Variants in FAF1 observed in about 807,000 individuals in gnomAD.
FAF1 encodes FAS-associated factor 1.
FAF1 carries 25 observed loss-of-function variants against 92.5 expected under a neutral mutation model. That is an observed-to-expected ratio of 0.27 (90% CI 0.20 to 0.38). The LOEUF (loss-of-function observed/expected upper bound fraction) is 0.38. FAF1 is among the 10% of genes least tolerant of loss of function. The pLI is 1.00. For missense variants in FAF1, 636 were observed against 793.3 expected (o/e 0.80, Z 2.38); for synonymous variants, 234 against 273.2 (o/e 0.86, Z 1.42).
intron 7 of FAF1, among the ~76,000 whole-genome samples, chr1:50,701,215 C>A (rs2124415658): frequency 6.6e-6 from 1 of 152,142 alleles, no homozygotes; most frequent in African/African-American, 2.4e-5. Flanking sequence ...TAAATTGGTT[C>A]ATTCTAATTG....
intron 4 of FAF1, among the ~76,000 whole-genome samples, chr1:50,775,580 G>A (rs1660926621): frequency 6.6e-6 from 1 of 152,054 alleles, no homozygotes; most frequent in South Asian, 2.1e-4. Context: ...TTATCAAACA[G>A]AATAGAGGAA....
intron 6 of FAF1, among the ~76,000 whole-genome samples, chr1:50,726,251 A>G (rs913342942): frequency 6.6e-6 from 1 of 151,700 alleles, no homozygotes; most frequent in Non-Finnish European, 1.5e-5. Flanking sequence ...GCAAGACTCA[A>G]TCTCAAAAAA....
chr1:50,505,314 G>C (rs550968401), intron 15 of FAF1, among the ~76,000 whole-genome samples: 1 of 152,240 alleles, frequency 6.6e-6, no homozygotes, highest in South Asian at 2.1e-4. Flanking sequence ...CATGTTCACT[G>C]AGAGCATACA....
At chr1:50,538,335 A>G (rs1337893567) in intron 14 of FAF1, among the ~76,000 whole-genome samples, 1 of 152,050 alleles carries the variant, frequency 6.6e-6, no homozygotes, top group Non-Finnish European at 1.5e-5. Flanking sequence ...ATAAACTATT[A>G]AAAGGGTTAA....
chr1:50,552,183 G>C (rs1338565301), intron 13 of FAF1, among the ~76,000 whole-genome samples: 3 of 151,922 alleles, frequency 2.0e-5, no homozygotes, highest in African/African-American at 7.3e-5. Context: ...TGTAGTCCCA[G>C]CTACTCAGGA....
intron 8 of FAF1, among the ~76,000 whole-genome samples, chr1:50,613,896 A>G (rs993455728): frequency 1.3e-5 from 2 of 152,068 alleles, no homozygotes; most frequent in African/African-American, 4.8e-5. Context: ...CAAGAGATCA[A>G]GACCGTCCTG....
chr1:50,780,760 C>A, intron 4 of FAF1: 1 of 300,868 alleles, frequency 3.3e-6, no homozygotes, highest in South Asian at 3.0e-5. Context: ...CAAATCACCC[C>A]GAGGGAGCTG....
intron 8 of FAF1, among the ~76,000 whole-genome samples, chr1:50,637,903 G>T (rs1027528624): frequency 8.0e-5 from 12 of 150,082 alleles, no homozygotes; most frequent in Admixed American, 6.6e-5. Flanking sequence ...TCTGATCTAA[G>T]ATAAATTTGT....
At chr1:50,948,846 A>G (rs143776439) in intron 1 of FAF1, among the ~76,000 whole-genome samples, 1 of 152,180 alleles carries the variant, frequency 6.6e-6, no homozygotes, top group African/African-American at 2.4e-5. Context: ...AAACAATCAG[A>G]TCTCACGTGA....
intron 4 of FAF1, among the ~76,000 whole-genome samples, chr1:50,753,003 C>CATTAAGATGACGGCTTCA (rs1659929546): frequency 1.3e-5 from 2 of 152,152 alleles, no homozygotes; most frequent in Non-Finnish European, 2.9e-5. Flanking sequence ...TTCAAAAGGT[C>CATTAAGATGACGGCTTCA]TTAACGGCTT....
chr1:50,789,028 C>A lies in FAF1; in HGVS notation c.162-823G>T, dbSNP rs140400468. Among the ~76,000 whole-genome samples, 7 of 152,158 alleles carry A rather than the reference C, an allele frequency of 4.6e-5. No individual in the cohort carries two copies. In the East Asian group the frequency reaches 1.4e-3, roughly 29 times the overall value. Reference sequence around the variant, plus strand: ...TTGTATTTTTTTGTAGAAACGGAGTCTTGTTAATGTTGCCCGGGCTAGTCT... The same window carrying A: ...TTGTATTTTTTTGTAGAAACGGAGTATTGTTAATGTTGCCCGGGCTAGTCT... On this transcript the variant is annotated intron_variant, in intron 3 of 18. Transcript: ENST00000396153.
At chr1:50,518,612 T>C (rs1046848523) in intron 15 of FAF1, among the ~76,000 whole-genome samples, 1 of 152,074 alleles carries the variant, frequency 6.6e-6, no homozygotes, top group African/African-American at 2.4e-5. Flanking sequence ...GGCTAATTTT[T>C]TGTATTTTTA....
rs955715564 is a variant in FAF1 at position 50,583,793 on chromosome 1, A to G, written c.968-78T>C. The G allele has an allele frequency of 2.3e-5, 17 of 755,290 alleles. No homozygotes were observed. The highest frequency in any genetic ancestry group is 3.2e-5 in the Non-Finnish European group (15 of 464,624). The allele number at this position is 755,290 out of a possible 1,614,324, so 46.8% of individuals were successfully genotyped here. The stretch of plus-strand genomic sequence containing the variant: ...ACAAAAACAAACCACATAACATCTA[A>G]TCCCACATATAAGAAATATATTCAA... On this transcript the variant is annotated intron_variant, in intron 10 of 18. Transcript: ENST00000396153. This position sits in a 1 kb window ranked among gnomAD's most constrained non-coding sequence, Gnocchi z 4.2.
chr1:50,547,320 C>T (rs1469359384), intron 13 of FAF1, among the ~76,000 whole-genome samples: 5 of 152,060 alleles, frequency 3.3e-5, no homozygotes, highest in African/African-American at 1.2e-4. Context: ...AGAATTTAAC[C>T]TAAAAAAGCA....
intron 2 of FAF1, among the ~76,000 whole-genome samples, chr1:50,802,776 G>A (rs963889830): frequency 2.0e-5 from 3 of 152,010 alleles, no homozygotes; most frequent in South Asian, 4.2e-4. Context: ...CTACCCTTCC[G>A]TATCCACATC....
intron 1 of FAF1, among the ~76,000 whole-genome samples, chr1:50,946,257 C>T (rs1226057598): frequency 6.6e-6 from 1 of 152,178 alleles, no homozygotes; most frequent in East Asian, 1.9e-4. Flanking sequence ...GACAAATCTC[C>T]CTAAGTTGTT....
intron 18 of FAF1, among the ~76,000 whole-genome samples, chr1:50,453,340 G>A (rs1572751414): frequency 6.6e-6 from 1 of 152,312 alleles, no homozygotes; most frequent in African/African-American, 2.4e-5. Context: ...GAGCTGGTGT[G>A]TGCATTGCTC....
At chr1:50,905,239 G>A (rs190415196) in intron 1 of FAF1, among the ~76,000 whole-genome samples, 280 of 152,248 alleles carry the variant, frequency 1.8e-3, no homozygotes, top group Middle Eastern at 3.4e-3. Flanking sequence ...TGGCTGCATA[G>A]TATCCCATGG....
intron 15 of FAF1, among the ~76,000 whole-genome samples, chr1:50,515,541 A>C (rs112350914): frequency 1.0e-3 from 155 of 152,300 alleles, no homozygotes; most frequent in African/African-American, 3.5e-3. Context: ...ACGGTAGTTC[A>C]GACAGCAAAC....
Sources: allele counts gnomAD v4.1 joint callset (sites outside exome capture counted in the v4.1 genomes callset), GRCh38; gene constraint gnomAD v4.1.1; non-coding constraint Gnocchi (gnomAD v3.1); transcripts MANE v1.5; gene names NCBI Gene and HGNC (gene_info 2026-07-23, HGNC 2026-07-21).